Variants in THBS2 observed in about 807,000 individuals in gnomAD.
The protein encoded by THBS2 is thrombospondin-2.
A neutral mutation model predicts 135.2 loss-of-function variants in THBS2; 47 were observed. That is an observed-to-expected ratio of 0.35 (90% confidence interval 0.28 to 0.44). The LOEUF (loss-of-function observed/expected upper bound fraction) is 0.44, where lower values mean the gene tolerates loss of function less well. Among genes scored for constraint, THBS2 ranks in the 20% least tolerant of loss-of-function variants. The pLI, the probability that THBS2 is intolerant of heterozygous loss-of-function variation, is 1.00. For missense variants in THBS2, 1,288 were observed against 1,603.1 expected, an observed-to-expected ratio of 0.80 and a Z score of 3.36; for synonymous variants, 639 against 633.8, an observed-to-expected ratio of 1.01 and a Z score of -0.12.
Position 169,252,081 on chromosome 6 carries a change from G to A in THBS2, c.-22-1275C>T, listed in dbSNP as rs748232178. 2.6e-5 allele frequency: 4 copies of A among 152,096 alleles called. No homozygotes were observed. The highest frequency in any genetic ancestry group is 4.8e-5 in the African/African-American group (2 of 41,430). The allele number at this position is 152,096 out of a possible 1,614,324, so 9.4% of individuals were successfully genotyped here. On this transcript the variant is annotated intron_variant, in intron 1 of 21. Transcript: ENST00000617924. The surrounding 1 kb of genome is among the most constrained non-coding windows in gnomAD (Gnocchi z 4.3). ...TCGGGTTGTCATGAGAGATGAATTC[G>A]GCAAATGAAACTTCACCAGGGGCTG...
At chr6:169,218,580 G>A (rs541907000) in intron 21 of THBS2, among the ~76,000 whole-genome samples, 1 of 148,920 alleles carries the variant, frequency 6.7e-6, no homozygotes, top group African/African-American at 2.5e-5. Flanking sequence ...GTGGATGGAT[G>A]GATGAGATGG....
rs143050504 is a variant in THBS2, at chr6:169,222,413, G to C, written c.3057C>G (p.Asp1019Glu). Residue 1019 changes from aspartate (D) to glutamate (E), a missense_variant, in exon 19 of 22, where the codon GAC becomes GAG. By Grantham distance (45) the Asp-to-Glu change is conservative. This residue lies in a region of THBS2 where 874 missense variants were observed against 1,156.1 expected (regional missense o/e 0.76). Transcript: ENST00000617924. The part of the protein sequence containing the change: ...DFSGTFYVNT[D>E]RDDDYAGFVF... ...CGAAGCCGGCATAGTCGTCGTCCCG[G>C]TCAGTGTTTACGTAGAATGTGCCAC... 2 of 1,613,806 alleles carry C rather than the reference G, an allele frequency of 1.2e-6. No individual in the cohort carries two copies. The highest frequency in any genetic ancestry group is 2.7e-5 in the African/African-American group (2 of 75,050).
rs139455322 is a variant in THBS2, at chr6:169,217,317, T to G, written c.*505A>C. ...ATTACTTCAAATTTGAATTGACCCT[T>G]GTTTATAATTTATTTAATGGGATTT... On this transcript the variant is annotated 3_prime_UTR_variant, in exon 22 of 22. Transcript: ENST00000617924. 1,067 of 153,766 alleles carry G rather than the reference T, an allele frequency of 6.9e-3. 14 individuals carry two copies. The highest frequency in any genetic ancestry group is 0.025 in the African/African-American group (1,029 of 41,618). 9.5% of individuals were successfully genotyped at this position (153,766 alleles called of 1,614,324 possible). A position where few individuals can be genotyped will look rare whatever the true frequency, so the allele number is the denominator to read the frequency against.
intron 10 of THBS2, 60 bp downstream of exon 10, chr6:169,234,674 G>A (rs1779967996): frequency 7.1e-7 from 1 of 1,404,418 alleles, no homozygotes. Flanking sequence ...CAAAGCGTTT[G>A]TGCTTTTCAT....
rs756182804 is a variant in THBS2, at chr6:169,233,026, G to A, written c.1652-9C>T. The A allele has an allele frequency of 1.5e-5, 23 of 1,531,718 alleles. No homozygotes were observed. The highest frequency in any genetic ancestry group is 7.9e-5 in the Admixed American group (4 of 50,548). 94.9% of individuals were successfully genotyped at this position (1,531,718 alleles called of 1,614,324 possible). ...GTTGGATAAACAGCCATCTGGGTGG[G>A]AGAAGGCGGAGCAGAGTTCACCACG... On this transcript the variant is annotated splice_polypyrimidine_tract_variant and intron_variant, in intron 10 of 21. Transcript: ENST00000617924.
At chr6:169,251,401 C>T (rs1363690754) in intron 1 of THBS2, among the ~76,000 whole-genome samples, 2 of 152,140 alleles carry the variant, frequency 1.3e-5, no homozygotes, top group Admixed American at 6.5e-5. Flanking sequence ...TCATTTTGAC[C>T]CTGCCTCTTT....
Position 169,223,387 on chromosome 6 carries a change from G to A in THBS2, c.2862C>T (p.Ile954=). The A allele has an allele frequency of 3.7e-6, 6 of 1,614,184 alleles. No homozygotes were observed. The Middle Eastern group carries it at 9.9e-4, about 266-fold the overall frequency. ...GGAAGTTCCTGAAGTCTGTCTCACT[G>A]ATGGCATTGTTTTCAGGACACACAT... is the stretch of plus-strand genomic sequence containing the variant. The part of the protein sequence containing the change: ...IDDVCPENNA[I]SETDFRNFQM... The change falls in exon 18 of 22, where the codon ATC becomes ATT. Residue 954 remains isoleucine, a synonymous_variant. Transcript: ENST00000617924.
chr6:169,248,038 T>C (rs1780613451), intron 3 of THBS2, among the ~76,000 whole-genome samples: 2 of 131,792 alleles, frequency 1.5e-5, no homozygotes, highest in African/African-American at 5.4e-5. Context: ...GTGAGGTGTG[T>C]GTGTGCGTGT....
chr6:169,247,365 G>A (rs543099151), intron 3 of THBS2, among the ~76,000 whole-genome samples: 6 of 152,292 alleles, frequency 3.9e-5, no homozygotes, highest in African/African-American at 1.4e-4. Flanking sequence ...GTGCCTGTTT[G>A]TATACACATG....
At chr6:169,219,089 AGGTG>A (rs1438377253) in intron 21 of THBS2, among the ~76,000 whole-genome samples, 2 of 140,682 alleles carry the variant, frequency 1.4e-5, no homozygotes, top group Non-Finnish European at 1.5e-5. Flanking sequence ...ATGTATTGAT[AGGTG>A]GATGGATGGA....
intron 9 of THBS2, among the ~76,000 whole-genome samples, chr6:169,236,964 G>A (rs763918136): frequency 3.9e-5 from 6 of 152,252 alleles, no homozygotes; most frequent in Non-Finnish European, 7.3e-5. Context: ...GGAGGTTTGC[G>A]CTGAGCACAG....
chr6:169,223,512 CAA>C (rs1393188586), intron 17 of THBS2, 37 bp from the exon 18 acceptor site: 21 of 1,585,476 alleles, frequency 1.3e-5, no homozygotes, highest in Non-Finnish European at 1.8e-5. Flanking sequence ...AAAACAAAAA[CAA>C]AGAAGCAAAG....
rs1257205418 is a variant in THBS2, at chr6:169,217,279, T to G, written c.*543A>C. 1 of 152,778 alleles carries G rather than the reference T, an allele frequency of 6.5e-6. No individual in the cohort carries two copies. Among genetic ancestry groups the G allele is most frequent in the Non-Finnish European group, 1.5e-5 (1 of 68,444 alleles). 9.5% of individuals were successfully genotyped at this position (152,778 alleles called of 1,614,324 possible). On this transcript the variant is annotated 3_prime_UTR_variant, in exon 22 of 22. Transcript: ENST00000617924. ...GCTATGCCTGTTGTCTTCTAATCTC[T>G]CCTTACTAAAACATTACTTCAAATT... is the stretch of plus-strand genomic sequence containing the variant.
rs376042850 is a variant in THBS2 at position 169,240,646 on chromosome 6, C to A, written c.892-54G>T. 9.4e-5 allele frequency: 148 copies of A among 1,575,186 alleles called. No homozygotes were observed. In the South Asian group the frequency reaches 1.1e-3, roughly 12 times the overall value. On this transcript the variant is annotated intron_variant, in intron 5 of 21. Coordinates refer to ENST00000617924, the MANE Select transcript of THBS2 (RefSeq NM_003247.5). ...TAGACAATAATACTACATATTTAGTCATCATGCTTGTGGATGAAAAACAAA... is the reference window on the plus strand; with the variant it reads ...TAGACAATAATACTACATATTTAGTAATCATGCTTGTGGATGAAAAACAAA...
chr6:169,222,503 C>T (rs1300173854), intron 18 of THBS2, 35 bp from the exon 19 acceptor site: 1 of 1,593,766 alleles, frequency 6.3e-7, no homozygotes, highest in African/African-American at 1.3e-5. Flanking sequence ...GTTAGAAACA[C>T]CTTTCAGGTG....
At chr6:169,244,313 AACACACACAC>A (rs35075375) in intron 4 of THBS2, among the ~76,000 whole-genome samples, 16 of 147,318 alleles carry the variant, frequency 1.1e-4, no homozygotes, top group South Asian at 6.5e-4. Context: ...GTATGCTGGT[AACACACACAC>A]ACACACACAC....
chr6:169,227,978 G>A (rs1393473978), intron 15 of THBS2, 144 bp downstream of exon 15: 1 of 950,230 alleles, frequency 1.1e-6, no homozygotes, highest in African/African-American at 1.7e-5. Context: ...CTACTCAGGA[G>A]GCTGAAGCAG....
intron 1 of THBS2, among the ~76,000 whole-genome samples, chr6:169,253,070 GCT>G (rs1019254490): frequency 1.3e-5 from 2 of 152,114 alleles, no homozygotes; most frequent in Non-Finnish European, 2.9e-5. Context: ...GTTAAAAGTC[GCT>G]GTGTGTCCCG....
intron 21 of THBS2, among the ~76,000 whole-genome samples, chr6:169,218,651 AATGGATGAGATGGAT>A (rs1779284806): frequency 2.5e-5 from 2 of 79,424 alleles, no homozygotes; most frequent in Non-Finnish European, 5.5e-5. Context: ...TGGTTGGGTG[AATGGATGAGATGGAT>A]GGGCGGATGA....
Sources: gnomAD v4.1 joint callset for allele counts (sites outside exome capture counted in the v4.1 genomes callset) on GRCh38, gnomAD v4.1.1 for gene constraint, gnomAD v4.1.1 regional missense constraint, Gnocchi (gnomAD v3.1) non-coding constraint, MANE v1.5 for transcripts, NCBI Gene and HGNC (gene_info 2026-07-23, HGNC 2026-07-21) for gene names.